The following NXN variants were observed in gnomAD, a reference collection of about 807,000 sequenced individuals.
NXN encodes nucleoredoxin, also known as nucleoredoxin 1.
A neutral mutation model predicts 48.6 loss-of-function variants in NXN; 16 were observed. That is an observed-to-expected ratio of 0.33 (90% CI 0.22 to 0.50). The LOEUF is 0.50. NXN is among the 20% of genes least tolerant of loss of function. The pLI, the probability that NXN is intolerant of heterozygous loss-of-function variation, is 0.98. For missense variants in NXN, 492 were observed against 605.5 expected (o/e 0.81, Z 1.97); for synonymous variants, 281 against 269.6 (o/e 1.04, Z -0.41).
chr17:881,290 C>T (rs573579985), intron 1 of NXN, among the ~76,000 whole-genome samples: 1 of 152,228 alleles, frequency 6.6e-6, no homozygotes, highest in Non-Finnish European at 1.5e-5. Context: ...CACTGTTACC[C>T]AGGCTGGAGT....
intron 1 of NXN, among the ~76,000 whole-genome samples, chr17:924,395 G>C (rs114740582): frequency 6.6e-6 from 1 of 152,100 alleles, no homozygotes; most frequent in Non-Finnish European, 1.5e-5. Flanking sequence ...GAGCCACTAC[G>C]TCCGGCTAAT....
chr17:814,262 A>AAAAAGAAAAG (rs373672133), intron 5 of NXN, among the ~76,000 whole-genome samples: 4 of 152,120 alleles, frequency 2.6e-5, no homozygotes, highest in Non-Finnish European at 5.9e-5. Flanking sequence ...CTGTCTCAAA[A>AAAAAGAAAAG]AAAAGAAAAG....
intron 1 of NXN, among the ~76,000 whole-genome samples, chr17:903,433 G>A (rs1227710202): frequency 6.6e-6 from 1 of 151,846 alleles, no homozygotes; most frequent in Non-Finnish European, 1.5e-5. Context: ...CCAGGCTGGA[G>A]TGCAGTGGTA....
chr17:863,947 C>T, intron 1 of NXN: 1 of 1,525,916 alleles, frequency 6.6e-7, no homozygotes, highest in Non-Finnish European at 8.8e-7. Flanking sequence ...TCAGCAGCAG[C>T]AATGCCTGGG....
At chr17:871,938 C>T (rs1428250049) in intron 1 of NXN, among the ~76,000 whole-genome samples, 5 of 152,074 alleles carry the variant, frequency 3.3e-5, no homozygotes, top group Non-Finnish European at 7.4e-5. Context: ...GAGGAATTAT[C>T]AAAATTTGGA....
At chr17:976,191 T>C (rs1280814767) in intron 1 of NXN, among the ~76,000 whole-genome samples, 2 of 107,136 alleles carry the variant, frequency 1.9e-5, no homozygotes, top group Admixed American at 8.5e-5. Flanking sequence ...TTTTTGTCCT[T>C]TTTTTTTTTG....
intron 1 of NXN, among the ~76,000 whole-genome samples, chr17:872,490 T>A (rs2068167064): frequency 7.0e-6 from 1 of 143,730 alleles, no homozygotes. Context: ...AGAGAGTGTG[T>A]TTGAGGAAAC....
At chr17:835,110 C>T (rs180783534) in intron 1 of NXN, among the ~76,000 whole-genome samples, 45 of 151,378 alleles carry the variant, frequency 3.0e-4, no homozygotes, top group Admixed American at 2.5e-3. Context: ...AGATCGAGAC[C>T]ATCCTGGCTA....
At chr17:969,004 C>T (rs373798093) in intron 1 of NXN, among the ~76,000 whole-genome samples, 70 of 151,792 alleles carry the variant, frequency 4.6e-4, no homozygotes, top group African/African-American at 1.6e-3. Flanking sequence ...TGAAGAGAAA[C>T]CAGGTTCTGT....
chr17:854,187 G>A (rs953859802), intron 1 of NXN, among the ~76,000 whole-genome samples: 1 of 152,108 alleles, frequency 6.6e-6, no homozygotes, highest in Non-Finnish European at 1.5e-5. Flanking sequence ...GAATGAATCT[G>A]GAATAGCTGC....
At chr17:885,497 GA>G (rs150868094) in intron 1 of NXN, among the ~76,000 whole-genome samples, 6 of 145,328 alleles carry the variant, frequency 4.1e-5, no homozygotes, top group African/African-American at 5.1e-5. Context: ...AAAAGAAAAG[GA>G]AAAAAAAAAG....
intron 1 of NXN, among the ~76,000 whole-genome samples, chr17:881,425 C>T (rs2068282779): frequency 6.6e-6 from 1 of 152,164 alleles, no homozygotes; most frequent in South Asian, 2.1e-4. Flanking sequence ...CGGGGTTTCG[C>T]CATGTTGCTC....
chr17:852,715 C>CT (rs1337801430), intron 1 of NXN, among the ~76,000 whole-genome samples: 1 of 152,176 alleles, frequency 6.6e-6, no homozygotes, highest in Non-Finnish European at 1.5e-5. Context: ...CCAGGTCCCC[C>CT]TGCACGGTTG....
At chr17:813,400 G>A (rs1051922797) in intron 5 of NXN, among the ~76,000 whole-genome samples, 21 of 152,248 alleles carry the variant, frequency 1.4e-4, no homozygotes, top group Non-Finnish European at 2.5e-4. Flanking sequence ...CCCCGGCTTG[G>A]AGGACAAGGA....
chr17:964,240 TA>T (rs1481026217), intron 1 of NXN, among the ~76,000 whole-genome samples: 9 of 152,168 alleles, frequency 5.9e-5, no homozygotes, highest in African/African-American at 2.2e-4. Flanking sequence ...CAGAGACAGA[TA>T]AATCCCTGTC....
At chr17:876,458 TA>T (rs750600279) in intron 1 of NXN, among the ~76,000 whole-genome samples, 18 of 152,222 alleles carry the variant, frequency 1.2e-4, no homozygotes, top group Non-Finnish European at 2.4e-4. Context: ...CCACATCCCC[TA>T]TTGTGGTCAT....
At chr17:808,217 G>A (rs1366584811) in intron 5 of NXN, among the ~76,000 whole-genome samples, 1 of 152,070 alleles carries the variant, frequency 6.6e-6, no homozygotes, top group Non-Finnish European at 1.5e-5. Flanking sequence ...TGGGGGAGAA[G>A]GCTGAGACCA....
intron 1 of NXN, among the ~76,000 whole-genome samples, chr17:838,244 G>A (rs938298998): frequency 6.4e-5 from 9 of 141,670 alleles, no homozygotes; most frequent in Non-Finnish European, 1.0e-4. Flanking sequence ...CAATTCTTCT[G>A]CCTCCGCCTC....
At chr17:922,975 C>T (rs1336185440) in intron 1 of NXN, among the ~76,000 whole-genome samples, 7 of 152,084 alleles carry the variant, frequency 4.6e-5, no homozygotes, top group Admixed American at 1.3e-4. Context: ...TACAAGGTGC[C>T]GTGTGTGGCT....
Sources: gnomAD v4.1 joint callset for allele counts (sites outside exome capture counted in the v4.1 genomes callset) on GRCh38, gnomAD v4.1.1 for gene constraint, MANE v1.5 for transcripts, NCBI Gene and HGNC (gene_info 2026-07-23, HGNC 2026-07-21) for gene names.